Variants in SCN2A observed in about 807,000 individuals in gnomAD.
The protein encoded by SCN2A is sodium voltage-gated channel alpha subunit 2.
Under a neutral mutation model 188.7 loss-of-function variants are expected in SCN2A, and 20 were observed. The observed-to-expected ratio is 0.11, with a 90% CI of 0.07 to 0.15. SCN2A has a LOEUF of 0.15. Ranked by LOEUF, SCN2A falls within the 10% of genes least tolerant of loss-of-function variation. SCN2A has a pLI of 1.00. For synonymous variants in SCN2A, 804 were observed against 833.1 expected, an observed-to-expected ratio of 0.97 and a Z score of 0.60; for missense variants, 1,278 against 2,445.0, an observed-to-expected ratio of 0.52 and a Z score of 10.07.
At chr2:165,312,137 T>TGGA in intron 8 of SCN2A, 49 bp downstream of exon 8, 6 of 1,390,788 alleles carry the variant, frequency 4.3e-6, no homozygotes, top group Non-Finnish European at 5.1e-6. Flanking sequence ...TCCATCAGTG[T>TGGA]CAATAACCTG....
chr2:165,340,273 A>C (rs1699241392), intron 14 of SCN2A, among the ~76,000 whole-genome samples: 1 of 152,106 alleles, frequency 6.6e-6, no homozygotes, highest in African/African-American at 2.4e-5. Context: ...TATTATTTAA[A>C]TGTCCATGAA....
intron 15 of SCN2A, among the ~76,000 whole-genome samples, chr2:165,343,999 A>G (rs925989986): frequency 6.6e-6 from 1 of 152,172 alleles, no homozygotes; most frequent in Non-Finnish European, 1.5e-5. Flanking sequence ...CAGCATATTT[A>G]AAGTACACTG....
chr2:165,370,513 C>T lies in SCN2A; in HGVS notation c.3849+214C>T. 6.8e-6 allele frequency: 3 copies of T among 442,454 alleles called. No individual in the cohort carries two copies. The South Asian group carries it at 1.6e-4, about 24-fold the overall frequency. 27.4% of individuals were successfully genotyped at this position (442,454 alleles called of 1,614,324 possible). On this transcript the variant is annotated intron_variant, in intron 20 of 26. Transcript: ENST00000375437. ...AAAAATCAAATGCCATCATACTATA[C>T]TTATTCACTTAATTTCAAATTAATA...
At chr2:165,382,206 G>GTA (rs1233655767) in intron 25 of SCN2A, among the ~76,000 whole-genome samples, 3 of 152,178 alleles carry the variant, frequency 2.0e-5, no homozygotes, top group African/African-American at 7.2e-5. Context: ...GAATTAGTGA[G>GTA]TAGTAGACAC....
At chr2:165,355,134 A>G (rs947235243) in intron 17 of SCN2A, among the ~76,000 whole-genome samples, 1 of 152,226 alleles carries the variant, frequency 6.6e-6, no homozygotes, top group African/African-American at 2.4e-5. Flanking sequence ...TTGCACAGAC[A>G]TATTTACTCA....
Position 165,326,783 on chromosome 2 carries a change from T to C in SCN2A, c.2017-69T>C, listed in dbSNP as rs562993408. ...TGTATATTTAGTTAAATAACACCTGTTGTAGGAATGCTTTGGGCTTTGCTG... is the reference window on the plus strand; with the variant it reads ...TGTATATTTAGTTAAATAACACCTGCTGTAGGAATGCTTTGGGCTTTGCTG... On this transcript the variant is annotated intron_variant, in intron 12 of 26. Transcript: ENST00000375437. 42 of 1,549,372 alleles carry C rather than the reference T, an allele frequency of 2.7e-5. No homozygotes were observed. In the South Asian group the frequency reaches 3.4e-4, roughly 12 times the overall value.
chr2:165,245,398 C>T (rs1336114753), intron 1 of SCN2A: 2 of 152,178 alleles, frequency 1.3e-5, no homozygotes, highest in Non-Finnish European at 2.9e-5. Flanking sequence ...GTTTGCTTAC[C>T]CTTCCGCCAT....
intron 14 of SCN2A, 73 bp downstream of exon 14, chr2:165,331,641 C>T: frequency 8.5e-7 from 1 of 1,175,726 alleles, no homozygotes; most frequent in Non-Finnish European, 1.3e-6. Flanking sequence ...ACATATTGCT[C>T]TCAAATTAAA....
In SCN2A at chr2:165,389,710, C is replaced by T. The variant is rs866782539; in HGVS notation, c.5904C>T (p.Ser1968=). The stretch of plus-strand genomic sequence containing the variant: ...CAGAGAAAACCGATATGACGCCTTC[C>T]ACCACGTCTCCACCCTCGTATGATA... The part of the protein sequence containing the change: ...STPEKTDMTP[S]TTSPPSYDSV... Residue 1968 remains serine, a synonymous_variant, in exon 27 of 27, where the codon TCC becomes TCT. Coordinates refer to ENST00000375437, the MANE Select transcript of SCN2A (RefSeq NM_001040142.2). This position sits in a 1 kb window ranked among gnomAD's most constrained non-coding sequence, Gnocchi z 4.2. 2 of 1,613,854 alleles carry T rather than the reference C, an allele frequency of 1.2e-6. No homozygotes were observed. The highest frequency in any genetic ancestry group is 1.7e-6 in the Non-Finnish European group (2 of 1,179,938).
intron 12 of SCN2A, 124 bp downstream of exon 12, chr2:165,323,624 A>G (rs1484762601): frequency 6.7e-6 from 6 of 895,420 alleles, no homozygotes; most frequent in Non-Finnish European, 8.8e-6. Flanking sequence ...GAGTTTGTTC[A>G]ATCAAGCTGT....
rs73969352 is a variant in SCN2A at position 165,310,781 on chromosome 2, G to T, written c.970+186G>T. On this transcript the variant is annotated intron_variant, in intron 7 of 26. Transcript: ENST00000375437. ...TTTTTCTTATCTGTCCATTGATATA[G>T]TAAAAGTTCTCATTTGAAAATGTGT... is the stretch of plus-strand genomic sequence containing the variant. 716 of 371,472 alleles carry T rather than the reference G, an allele frequency of 1.9e-3. 5 individuals carry two copies. Among genetic ancestry groups the T allele is most frequent in the African/African-American group, 0.014 (641 of 47,426 alleles). 23.0% of individuals were successfully genotyped at this position (371,472 alleles called of 1,614,324 possible).
intron 1 of SCN2A, among the ~76,000 whole-genome samples, chr2:165,287,008 C>T (rs1695866274): frequency 1.3e-5 from 2 of 152,090 alleles, no homozygotes; most frequent in Non-Finnish European, 1.5e-5. Flanking sequence ...TGATCCTTGC[C>T]TCGTTGGAGG....
chr2:165,251,969 A>C (rs2106069896), intron 1 of SCN2A, among the ~76,000 whole-genome samples: 1 of 152,258 alleles, frequency 6.6e-6, no homozygotes, highest in East Asian at 1.9e-4. Context: ...AAGAACATAG[A>C]TTTTAAATAC....
chr2:165,382,238 A>G lies in SCN2A; in HGVS notation c.4551+1041A>G, dbSNP rs117147644. ...ACACTGGTTTTCCGAGTTACATGAG[A>G]CAAGGTTACCATACGAGTCTGAAGA... On this transcript the variant is annotated intron_variant, in intron 25 of 26. Coordinates refer to ENST00000375437, the MANE Select transcript of SCN2A (RefSeq NM_001040142.2). Among the ~76,000 whole-genome samples, 218 of 152,220 alleles carry G rather than the reference A, an allele frequency of 1.4e-3. 4 individuals carry two copies. In the East Asian group the frequency reaches 0.031, roughly 22 times the overall value.
chr2:165,302,359 T>C (rs1696860733), intron 3 of SCN2A, among the ~76,000 whole-genome samples: 2 of 152,310 alleles, frequency 1.3e-5, no homozygotes, highest in South Asian at 2.1e-4. Context: ...AAAGACCTAT[T>C]CTATTCTACT....
In SCN2A at chr2:165,258,835, A is replaced by G. The variant is rs1694445836; in HGVS notation, c.-52+19195A>G. Among the ~76,000 whole-genome samples, 3 of 152,236 alleles carry G rather than the reference A, an allele frequency of 2.0e-5. No homozygotes were observed. In the South Asian group the frequency reaches 6.2e-4, roughly 31 times the overall value. Reference sequence around the variant, plus strand: ...ATAGTAGGCAAACTAACTGAGGAACATAAAACCCAATACCACATGTTCTAA... The same window carrying G: ...ATAGTAGGCAAACTAACTGAGGAACGTAAAACCCAATACCACATGTTCTAA... On this transcript the variant is annotated intron_variant, in intron 1 of 26. Coordinates refer to ENST00000375437, the MANE Select transcript of SCN2A (RefSeq NM_001040142.2).
intron 17 of SCN2A, among the ~76,000 whole-genome samples, chr2:165,357,151 G>T (rs958861740): frequency 6.6e-6 from 1 of 152,078 alleles, no homozygotes; most frequent in Non-Finnish European, 1.5e-5. Flanking sequence ...CGTGAAAGAG[G>T]TTATGTGTAG....
chr2:165,390,220 AC>A lies in SCN2A; in HGVS notation c.*397del, dbSNP rs1163527091. The A allele has an allele frequency of 4.8e-6, 1 of 206,298 alleles. No homozygotes were observed. Among genetic ancestry groups the A allele is most frequent in the African/African-American group, 2.4e-5 (1 of 42,388 alleles). 12.8% of individuals were successfully genotyped at this position (206,298 alleles called of 1,614,324 possible). ...GCCACACCTGCCATATTTTTACAAA[AC>A]GTGTGCTGTGAATTTATCACTTTTC... On this transcript the variant is annotated 3_prime_UTR_variant, in exon 27 of 27. Coordinates refer to ENST00000375437, the MANE Select transcript of SCN2A (RefSeq NM_001040142.2).
chr2:165,293,079 G>A (rs77129445), intron 1 of SCN2A, among the ~76,000 whole-genome samples: 241 of 152,306 alleles, frequency 1.6e-3, no homozygotes, highest in Admixed American at 2.7e-3. Context: ...GTTAACTTGT[G>A]TGGCACAGGC....
Sources: allele counts gnomAD v4.1 joint callset (sites outside exome capture counted in the v4.1 genomes callset), GRCh38; gene constraint gnomAD v4.1.1; non-coding constraint Gnocchi (gnomAD v3.1); transcripts MANE v1.5; gene names NCBI Gene and HGNC (gene_info 2026-07-23, HGNC 2026-07-21).